The following HMBOX1 variants were observed in gnomAD, a reference collection of about 807,000 sequenced individuals.
HMBOX1 encodes homeobox-containing protein 1.
Under a neutral mutation model 54.5 loss-of-function variants are expected in HMBOX1, and 14 were observed. The ratio of observed to expected loss-of-function variants is 0.26; its 90% CI spans 0.17 to 0.40. HMBOX1 has a LOEUF of 0.40. Among genes scored for constraint, HMBOX1 ranks in the 10% least tolerant of loss-of-function variants. The pLI is 1.00. For missense variants in HMBOX1, 332 were observed against 514.4 expected (o/e 0.65, Z 3.43); for synonymous variants, 160 against 181.0 (o/e 0.88, Z 0.93).
chr8:28,942,487 T>G (rs1821617105), intron 1 of HMBOX1, among the ~76,000 whole-genome samples: 1 of 152,230 alleles, frequency 6.6e-6, no homozygotes, highest in Non-Finnish European at 1.5e-5. Context: ...CCTCAGTTAT[T>G]AAGTTCTCCT....
chr8:28,941,081 G>A (rs533136181), intron 1 of HMBOX1, among the ~76,000 whole-genome samples: 116 of 152,170 alleles, frequency 7.6e-4, no homozygotes, highest in African/African-American at 2.6e-3. Context: ...CTTGTGAAAA[G>A]CATGTAAAGA....
chr8:28,936,871 AT>A (rs1190249946), intron 1 of HMBOX1, among the ~76,000 whole-genome samples: 4 of 151,622 alleles, frequency 2.6e-5, no homozygotes, highest in Admixed American at 6.6e-5. Flanking sequence ...GGCAAGAAAG[AT>A]TAAAAAAAAA....
chr8:28,979,184 C>T (rs1051603494), intron 3 of HMBOX1, among the ~76,000 whole-genome samples: 2 of 152,132 alleles, frequency 1.3e-5, no homozygotes, highest in Non-Finnish European at 2.9e-5. Flanking sequence ...TTTATGTAAT[C>T]CTTTTGAAAA....
intron 6 of HMBOX1, among the ~76,000 whole-genome samples, chr8:29,028,122 A>G (rs1802363180): frequency 6.6e-6 from 1 of 152,190 alleles, no homozygotes; most frequent in East Asian, 1.9e-4. Flanking sequence ...CGGGCAAGGA[A>G]TCAGCATTAA....
chr8:28,916,231 C>A (rs939759374), intron 1 of HMBOX1, among the ~76,000 whole-genome samples: 50 of 152,308 alleles, frequency 3.3e-4, no homozygotes, highest in African/African-American at 1.2e-3. Flanking sequence ...TCCCCAGAAT[C>A]CCTCAGCAGA....
intron 6 of HMBOX1, among the ~76,000 whole-genome samples, chr8:29,042,364 A>G (rs1804961423): frequency 6.6e-6 from 1 of 152,194 alleles, no homozygotes; most frequent in Non-Finnish European, 1.5e-5. Context: ...ACAGTGTACA[A>G]GTTGAGAAGC....
At chr8:28,993,485 A>G (rs1344210747) in intron 4 of HMBOX1, among the ~76,000 whole-genome samples, 2 of 152,224 alleles carry the variant, frequency 1.3e-5, no homozygotes, top group Non-Finnish European at 2.9e-5. Context: ...AAGGCTAGCT[A>G]GGTAAATTAT....
At chr8:29,034,892 G>C (rs1321006033) in intron 6 of HMBOX1, among the ~76,000 whole-genome samples, 1 of 151,902 alleles carries the variant, frequency 6.6e-6, no homozygotes, top group Non-Finnish European at 1.5e-5. Context: ...GGCAATTGAG[G>C]ACTCATTTAT....
chr8:29,035,247 C>CA (rs1175090287), intron 6 of HMBOX1, among the ~76,000 whole-genome samples: 2 of 151,930 alleles, frequency 1.3e-5, no homozygotes, highest in East Asian at 3.9e-4. Context: ...AAAAACCATG[C>CA]AAAAAAACAA....
At chr8:28,931,321 T>A (rs994359580) in intron 1 of HMBOX1, among the ~76,000 whole-genome samples, 1 of 152,228 alleles carries the variant, frequency 6.6e-6, no homozygotes, top group African/African-American at 2.4e-5. Flanking sequence ...GTGGAAACAC[T>A]AGTTTTGCTT....
chr8:28,948,987 C>T (rs1586019106), intron 1 of HMBOX1, among the ~76,000 whole-genome samples: 1 of 152,246 alleles, frequency 6.6e-6, no homozygotes, highest in African/African-American at 2.4e-5. Context: ...GTAGAGGTTT[C>T]AAAGCCACAT....
chr8:28,986,364 G>T (rs1453117272), intron 4 of HMBOX1, among the ~76,000 whole-genome samples: 1 of 152,216 alleles, frequency 6.6e-6, no homozygotes, highest in Non-Finnish European at 1.5e-5. Context: ...GAATAAAGCT[G>T]CTATAAACAA....
intron 1 of HMBOX1, among the ~76,000 whole-genome samples, chr8:28,959,594 C>T (rs1825102408): frequency 6.6e-6 from 1 of 152,110 alleles, no homozygotes; most frequent in African/African-American, 2.4e-5. Flanking sequence ...TGAGTTTTTA[C>T]TTAGATCTTT....
chr8:29,050,383 C>G, intron 9 of HMBOX1: 1 of 210,446 alleles, frequency 4.8e-6, no homozygotes, highest in Non-Finnish European at 8.2e-6. Context: ...CACACTAGTT[C>G]TAGGTAAGAC....
chr8:28,916,620 A>G (rs999003975), intron 1 of HMBOX1, among the ~76,000 whole-genome samples: 1 of 152,122 alleles, frequency 6.6e-6, no homozygotes, highest in Non-Finnish European at 1.5e-5. Flanking sequence ...AATTGACCAT[A>G]TTTGTGTGAG....
chr8:28,960,781 T>TGGAGACGGAG (rs1563473087), intron 1 of HMBOX1, among the ~76,000 whole-genome samples: 6 of 45,346 alleles, frequency 1.3e-4, no homozygotes, highest in Non-Finnish European at 1.4e-4. Context: ...TTTTTTTTTT[T>TGGAGACGGAG]TTTTTTTTTT....
Position 28,919,611 on chromosome 8 carries a change from TA to T in HMBOX1, c.-58+28937del, listed in dbSNP as rs79386732. 9.8e-5 allele frequency among the ~76,000 whole-genome samples: 15 copies of T among 152,328 alleles called. 1 individual carries two copies. In the East Asian group the frequency reaches 2.7e-3, roughly 27 times the overall value. ...CCATAGTTGATTGAATCCTCAGATG[TA>T]AAACTCATGGATATGGAGGGCCAAC... is the stretch of plus-strand genomic sequence containing the variant. On this transcript the variant is annotated intron_variant, in intron 1 of 9. Transcript: ENST00000287701.
At chr8:28,910,172 A>G (rs1415778025) in intron 1 of HMBOX1, among the ~76,000 whole-genome samples, 2 of 152,228 alleles carry the variant, frequency 1.3e-5, no homozygotes, top group Non-Finnish European at 2.9e-5. Flanking sequence ...ATCAGACAGT[A>G]TGTGGCCTTT....
chr8:28,912,022 ATGC>A (rs1815542108), intron 1 of HMBOX1, among the ~76,000 whole-genome samples: 4 of 152,228 alleles, frequency 2.6e-5, no homozygotes, highest in African/African-American at 9.6e-5. Context: ...CCTTTTCACA[ATGC>A]TGGGCCAAAT....
Sources: allele counts gnomAD v4.1 joint callset (sites outside exome capture counted in the v4.1 genomes callset), GRCh38; gene constraint gnomAD v4.1.1; transcripts MANE v1.5; gene names NCBI Gene and HGNC (gene_info 2026-07-23, HGNC 2026-07-21).